Variants in CIAO3 observed in about 807,000 individuals in gnomAD.
CIAO3 encodes the protein cytosolic iron-sulfur assembly component 3.
A neutral mutation model predicts 51.5 loss-of-function variants in CIAO3; 45 were observed. That is an observed-to-expected ratio of 0.87 (90% CI 0.69 to 1.12). CIAO3 has a LOEUF of 1.12. Ranked by LOEUF, CIAO3 falls within the 50% of genes most tolerant of loss-of-function variation. CIAO3 has a pLI of 0.00. For synonymous variants in CIAO3, 314 were observed against 269.3 expected (o/e 1.17, Z -1.63); for missense variants, 668 against 632.5 (o/e 1.06, Z -0.60).
intron 2 of CIAO3, chr16:738,487 A>G: frequency 3.6e-6 from 1 of 275,166 alleles, no homozygotes; most frequent in Non-Finnish European, 5.5e-6. Flanking sequence ...AGCTGGGACT[A>G]CAGGCGCCGG....
In CIAO3 at chr16:730,991, G is replaced by A. The variant is rs1264304938; in HGVS notation, c.1044C>T (p.Asp348=). 4 of 1,612,740 alleles carry A rather than the reference G, an allele frequency of 2.5e-6. No individual in the cohort carries two copies. The highest frequency in any genetic ancestry group is 3.4e-6 in the Non-Finnish European group (4 of 1,179,900). The part of the protein sequence containing the change: ...EVTYKPLRNK[D]FQEVTLEKEG... ...CCTTCTCCAGTGTCACCTCCTGGAA[G>A]TCTTTGTTCCTGGGGGGCACAGGCG... is the stretch of plus-strand genomic sequence containing the variant. Residue 348 remains aspartate (D), a synonymous_variant, in exon 10 of 11, where the codon GAC becomes GAT. Coordinates refer to ENST00000251588, the MANE Select transcript of CIAO3 (RefSeq NM_022493.3).
At chr16:733,568 C>T (rs1008613451) in intron 6 of CIAO3, 141 bp from the exon 7 acceptor site, 35 of 1,279,384 alleles carry the variant, frequency 2.7e-5, no homozygotes, top group Middle Eastern at 2.5e-4. Flanking sequence ...AGCCTCCTGC[C>T]GGCTCTGCGG....
chr16:740,636 C>T, intron 1 of CIAO3: 1 of 503,066 alleles, frequency 2.0e-6, no homozygotes, highest in Non-Finnish European at 3.5e-6. Flanking sequence ...CCGGCGCGAG[C>T]CCGCGACCAC....
At chr16:731,193 C>A in intron 9 of CIAO3, 193 bp from the exon 10 acceptor site, 1 of 727,714 alleles carries the variant, frequency 1.4e-6, no homozygotes, top group Non-Finnish European at 2.2e-6. Flanking sequence ...CAGCAGGGGA[C>A]CTCACCTCCA....
At chr16:736,542 TCTCA>T (rs2041340498) in intron 3 of CIAO3, 144 bp from the exon 4 acceptor site, 1 of 1,036,820 alleles carries the variant, frequency 9.6e-7, no homozygotes, top group Admixed American at 2.8e-5. Flanking sequence ...TAACACAGAG[TCTCA>T]CTCTGTTGCC....
At position 731,578 on chromosome 16, in the gene CIAO3, A is replaced by C. The variant is rs1479354289; in HGVS notation, c.1021T>G (p.Tyr341Asp). 1 of 1,567,098 alleles carries C rather than the reference A, an allele frequency of 6.4e-7. No individual in the cohort carries two copies. Among genetic ancestry groups the C allele is most frequent in the Admixed American group, 1.9e-5 (1 of 53,730 alleles). ...CATCCCACTGACCTCAGGGGTTTGTAGGTAACCTCAGCCACATGGATTCCA... is the reference window on the plus strand; with the variant it reads ...CATCCCACTGACCTCAGGGGTTTGTCGGTAACCTCAGCCACATGGATTCCA... Reference protein sequence around the residue: ...LFGIHVAEVTYKPLRNKDFQE... With the variant: ...LFGIHVAEVTDKPLRNKDFQE... Residue 341 changes from tyrosine (Y) to aspartate (D), a missense_variant, in exon 9 of 11, where the codon TAC becomes GAC. Coordinates refer to ENST00000251588, the MANE Select transcript of CIAO3 (RefSeq NM_022493.3).
In CIAO3 at chr16:730,644, C is replaced by T. The variant is rs761989802; in HGVS notation, c.1204G>A (p.Gly402Ser). 12 of 1,609,188 alleles carry T rather than the reference C, an allele frequency of 7.5e-6. No individual in the cohort carries two copies. The highest frequency in any genetic ancestry group is 2.2e-5 in the East Asian group (1 of 44,864). Residue 402 changes from glycine to serine, a missense_variant, in exon 11 of 11, where the codon GGC (glycine) becomes AGC (serine). By Grantham distance (56) the Gly-to-Ser change is moderately conservative. Coordinates refer to ENST00000251588, the MANE Select transcript of CIAO3 (RefSeq NM_022493.3). Reference protein sequence around the residue: ...VMACPSGCLNGGGQLQAPDRP... With the variant: ...VMACPSGCLNSGGQLQAPDRP... ...TCTGGGGCCTGGAGCTGGCCCCCGCCGTTCAGGCAGCCTATGGGAGAGCAG... is the reference window on the plus strand; with the variant it reads ...TCTGGGGCCTGGAGCTGGCCCCCGCTGTTCAGGCAGCCTATGGGAGAGCAG...
rs1047854632 is a variant in CIAO3, at chr16:740,728, C to T, written c.66+192G>A. The T allele has an allele frequency of 1.1e-5, 6 of 563,828 alleles. No individual in the cohort carries two copies. The African/African-American group carries it at 1.2e-4, about 11-fold the overall frequency. The allele number at this position is 563,828 out of a possible 1,614,324, so 34.9% of individuals were successfully genotyped here. ...GCGCCGCCCTCCCTGGCCTCAGTTT[C>T]CTTGTTGGTAAGAAGCGGGCCTCAG... On this transcript the variant is annotated intron_variant, in intron 1 of 10. Coordinates refer to ENST00000251588, the MANE Select transcript of CIAO3 (RefSeq NM_022493.3).
rs1357931222 is a variant in CIAO3 at position 731,005 on chromosome 16, G to A, written c.1035-5C>T. The A allele has an allele frequency of 1.9e-6, 3 of 1,612,438 alleles. No individual in the cohort carries two copies. The highest frequency in any genetic ancestry group is 2.5e-6 in the Non-Finnish European group (3 of 1,179,844). On this transcript the variant is annotated splice_region_variant and splice_polypyrimidine_tract_variant and intron_variant, in intron 9 of 10. Coordinates refer to ENST00000251588, the MANE Select transcript of CIAO3 (RefSeq NM_022493.3). ...ACCTCCTGGAAGTCTTTGTTCCTGGGGGGCACAGGCGGGGTTTGTCTACAT... is the reference window on the plus strand; with the variant it reads ...ACCTCCTGGAAGTCTTTGTTCCTGGAGGGCACAGGCGGGGTTTGTCTACAT...
intron 2 of CIAO3, 75 bp downstream of exon 2, chr16:739,568 G>C: frequency 1.4e-6 from 2 of 1,436,754 alleles, no homozygotes; most frequent in South Asian, 1.1e-5. Context: ...ACCGCTCTGT[G>C]ACGGGAGGAA....
rs940768444 is a variant in CIAO3 at position 729,890 on chromosome 16, C to T, written c.*527G>A. 17 of 394,662 alleles carry T rather than the reference C, an allele frequency of 4.3e-5. No individual in the cohort carries two copies. Among genetic ancestry groups the T allele is most frequent in the Non-Finnish European group, 6.3e-5 (14 of 223,370 alleles). The allele number at this position is 394,662 out of a possible 1,614,324, so 24.4% of individuals were successfully genotyped here. On this transcript the variant is annotated 3_prime_UTR_variant, in exon 11 of 11. Coordinates refer to ENST00000251588, the MANE Select transcript of CIAO3 (RefSeq NM_022493.3). ...CTTGGCTTGCCCCGGACCACAGCCT[C>T]GTAACGGTAACCCCTGCTTTCCAGG... is the stretch of plus-strand genomic sequence containing the variant.
intron 1 of CIAO3, 193 bp downstream of exon 1, chr16:740,727 T>C: frequency 1.8e-6 from 1 of 560,484 alleles, no homozygotes; most frequent in South Asian, 2.2e-5. Context: ...GGCCTCAGTT[T>C]CCTTGTTGGT....
chr16:734,057 T>C (rs2041312821), intron 6 of CIAO3, 172 bp downstream of exon 6: 1 of 633,548 alleles, frequency 1.6e-6, no homozygotes. Context: ...CGAAGCCCTC[T>C]GCTGCAGAAG....
intron 1 of CIAO3, chr16:740,596 G>A (rs537184534): frequency 6.8e-6 from 3 of 444,314 alleles, no homozygotes; most frequent in East Asian, 4.5e-5. Context: ...TGTGGGAGCC[G>A]CCTCTGCTGC....
At chr16:740,051 A>G in intron 1 of CIAO3, 1 of 1,389,064 alleles carries the variant, frequency 7.2e-7, no homozygotes, top group Non-Finnish European at 9.5e-7. Context: ...AGGGGGCGTG[A>G]CCACCACAGA....
Position 730,741 on chromosome 16 carries a change from C to A in CIAO3, c.1193-86G>T, listed in dbSNP as rs2041267803. The A allele has an allele frequency of 1.4e-5, 22 of 1,577,578 alleles. No individual in the cohort carries two copies. The Admixed American group carries it at 3.7e-4, about 27-fold the overall frequency. ...CCAGGGAGCAGGGAGGTGACCGGGC[C>A]CCCTCTGTGCCCCACTTCCTCCCAC... On this transcript the variant is annotated intron_variant, in intron 10 of 10. Coordinates refer to ENST00000251588, the MANE Select transcript of CIAO3 (RefSeq NM_022493.3).
chr16:735,575 G>C (rs2041329668), intron 4 of CIAO3: 1 of 152,242 alleles, frequency 6.6e-6, no homozygotes, highest in Admixed American at 6.5e-5. Flanking sequence ...GGAGAACCAT[G>C]GGCTGCCCCA....
chr16:736,641 C>T (rs2041341670), intron 3 of CIAO3, among the ~76,000 whole-genome samples: 1 of 151,918 alleles, frequency 6.6e-6, no homozygotes, highest in Non-Finnish European at 1.5e-5. Context: ...GATGGGATTA[C>T]AGGCGTGAAC....
chr16:737,665 C>T lies in CIAO3; in HGVS notation c.163-336G>A, dbSNP rs755586527. ...CTGGCCCCGGTGCACACTCACAGGG[C>T]TGTAGGGCAGGAAAATGCCGAAGGT... On this transcript the variant is annotated intron_variant, in intron 2 of 10. Transcript: ENST00000251588. This position sits in a 1 kb window ranked among gnomAD's most constrained non-coding sequence, Gnocchi z 5.3. 4.5e-6 allele frequency: 6 copies of T among 1,329,634 alleles called. No individual in the cohort carries two copies. The South Asian group carries it at 6.1e-5, about 14-fold the overall frequency. The allele number at this position is 1,329,634 out of a possible 1,614,324, so 82.4% of individuals were successfully genotyped here. A position where few individuals can be genotyped will look rare whatever the true frequency, so the allele number is the denominator to read the frequency against.
Sources: gnomAD v4.1 joint callset for allele counts (sites outside exome capture counted in the v4.1 genomes callset) on GRCh38, gnomAD v4.1.1 for gene constraint, Gnocchi (gnomAD v3.1) non-coding constraint, MANE v1.5 for transcripts, NCBI Gene and HGNC (gene_info 2026-07-23, HGNC 2026-07-21) for gene names.